Variants in PCSK5 observed in about 807,000 individuals in gnomAD.
PCSK5 encodes the protein proprotein convertase subtilisin/kexin type 5.
In PCSK5, 129 loss-of-function variants were observed where a neutral mutation model predicts 233.2. The ratio of observed to expected loss-of-function variants is 0.55; its 90% CI spans 0.48 to 0.64. PCSK5 has a LOEUF of 0.64. Ranked by LOEUF, PCSK5 falls within the 30% of genes least tolerant of loss-of-function variation. The probability of loss-of-function intolerance (pLI) is 0.00; values close to 1 mark genes in which losing one functional copy is unlikely to be tolerated. For missense variants in PCSK5, 2,076 were observed against 2,430.1 expected (o/e 0.85, Z 3.06); for synonymous variants, 825 against 879.2 (o/e 0.94, Z 1.09).
chr9:76,338,096 A>G (rs1361973683), intron 34 of PCSK5, 134 bp from the exon 35 acceptor site: 1 of 637,892 alleles, frequency 1.6e-6, no homozygotes, highest in South Asian at 1.9e-5. Context: ...GTTATTAGCA[A>G]TGAATCTAAT....
chr9:75,994,130 C>T (rs1826892406), intron 3 of PCSK5, among the ~76,000 whole-genome samples: 1 of 152,034 alleles, frequency 6.6e-6, no homozygotes, highest in Non-Finnish European at 1.5e-5. Flanking sequence ...TGCACTTTTC[C>T]GAACCAAATT....
intron 20 of PCSK5, among the ~76,000 whole-genome samples, chr9:76,200,740 C>G (rs560366987): frequency 4.6e-5 from 7 of 152,250 alleles, no homozygotes; most frequent in Middle Eastern, 3.4e-3. Context: ...GTCCTGTGGA[C>G]GGCGATCACT....
intron 27 of PCSK5, among the ~76,000 whole-genome samples, chr9:76,298,666 G>A (rs555210582): frequency 6.6e-5 from 10 of 151,864 alleles, no homozygotes; most frequent in Non-Finnish European, 1.2e-4. Context: ...AAACAGGATC[G>A]AGAGTGTAAT....
intron 20 of PCSK5, among the ~76,000 whole-genome samples, chr9:76,216,499 A>G (rs952503): frequency 0.46 from 69,835 of 151,998 alleles, 17,427 homozygotes; most frequent in African/African-American, 0.66. Context: ...CACAAACAAT[A>G]TTATATTACT....
At chr9:76,271,682 A>C (rs1218554894) in intron 24 of PCSK5, among the ~76,000 whole-genome samples, 1 of 152,284 alleles carries the variant, frequency 6.6e-6, no homozygotes, top group Admixed American at 6.5e-5. Context: ...AAAAAAAAAA[A>C]ATTAAAAATG....
chr9:76,114,886 G>A (rs1471817937), intron 9 of PCSK5, among the ~76,000 whole-genome samples: 2 of 152,026 alleles, frequency 1.3e-5, no homozygotes, highest in East Asian at 3.9e-4. Flanking sequence ...AGTTTGTGCT[G>A]GAGCAAGGCA....
chr9:76,156,015 C>T lies in PCSK5; in HGVS notation c.1313-1030C>T, dbSNP rs150621362. ...AATGGAACTACATCTGAGCACATCGCGACAATCAAGCTGATGTATTTAAGT... is the reference window on the plus strand; with the variant it reads ...AATGGAACTACATCTGAGCACATCGTGACAATCAAGCTGATGTATTTAAGT... On this transcript the variant is annotated intron_variant, in intron 10 of 37. Transcript: ENST00000674117. 6.6e-5 allele frequency among the ~76,000 whole-genome samples: 10 copies of T among 152,156 alleles called. No homozygotes were observed. In the East Asian group the frequency reaches 1.2e-3, roughly 18 times the overall value.
At chr9:76,177,443 A>C (rs1314759211) in intron 14 of PCSK5, among the ~76,000 whole-genome samples, 1 of 152,262 alleles carries the variant, frequency 6.6e-6, no homozygotes, top group African/African-American at 2.4e-5. Context: ...GAGTATCTTA[A>C]ATACACATGT....
intron 2 of PCSK5, among the ~76,000 whole-genome samples, chr9:75,933,197 C>T (rs747731244): frequency 2.0e-5 from 3 of 152,052 alleles, no homozygotes; most frequent in Admixed American, 6.6e-5. Flanking sequence ...AACTAATAGC[C>T]GACAACTAAG....
Position 76,239,031 on chromosome 9 carries a change from C to T in PCSK5, c.2939C>T (p.Thr980Ile). The change falls in exon 23 of 38, where the codon ACT (threonine) becomes ATT (isoleucine). Residue 980 changes from threonine to isoleucine, a missense_variant. By Grantham distance (89) the Thr-to-Ile change is moderately conservative. Around this residue, in one of 6 missense-constraint regions of PCSK5, gnomAD observed 1,510 missense variants for 1,538.1 expected, o/e 0.98. Coordinates refer to ENST00000674117, the MANE Select transcript of PCSK5 (RefSeq NM_001372043.1). Reference sequence around the variant, plus strand: ...AGCTGCCCAGAGGGCCACTATGCCACTGAGGGGAACACCTGCCTGCCCTGC... The same window carrying T: ...AGCTGCCCAGAGGGCCACTATGCCATTGAGGGGAACACCTGCCTGCCCTGC... ...GDSCPEGHYA[T>I]EGNTCLPCPD... 6.2e-7 allele frequency: 1 copy of T among 1,612,080 alleles called. No individual in the cohort carries two copies. Among genetic ancestry groups the T allele is most frequent in the Non-Finnish European group, 8.5e-7 (1 of 1,179,622 alleles).
chr9:76,121,924 C>T (rs1179810624), intron 9 of PCSK5, among the ~76,000 whole-genome samples: 1 of 57,300 alleles, frequency 1.7e-5, no homozygotes, highest in African/African-American at 5.0e-5. Flanking sequence ...CCCGGGTTCA[C>T]GCCATTCTCC....
intron 5 of PCSK5, among the ~76,000 whole-genome samples, chr9:76,031,064 A>G (rs1283451956): frequency 6.6e-6 from 1 of 152,176 alleles, no homozygotes; most frequent in African/African-American, 2.4e-5. Context: ...TGCCGAGGGT[A>G]TAGATTTACC....
intron 35 of PCSK5, among the ~76,000 whole-genome samples, chr9:76,340,711 C>T (rs1829807177): frequency 1.4e-5 from 2 of 147,834 alleles, no homozygotes; most frequent in South Asian, 4.2e-4. Flanking sequence ...TATGGAATTT[C>T]TATTAAATGC....
At chr9:76,053,139 A>C (rs1331070823) in intron 5 of PCSK5, among the ~76,000 whole-genome samples, 1 of 152,158 alleles carries the variant, frequency 6.6e-6, no homozygotes, top group African/African-American at 2.4e-5. Context: ...AAATGGTGCA[A>C]GCTGTCAGTG....
At chr9:76,010,709 G>T (rs766439649) in intron 3 of PCSK5, among the ~76,000 whole-genome samples, 3 of 152,140 alleles carry the variant, frequency 2.0e-5, no homozygotes, top group African/African-American at 7.2e-5. Flanking sequence ...TTGTCTGTAA[G>T]GTGTTTATGT....
intron 1 of PCSK5, among the ~76,000 whole-genome samples, chr9:75,930,797 G>A (rs886313337): frequency 1.3e-5 from 2 of 152,114 alleles, no homozygotes; most frequent in Admixed American, 1.3e-4. Flanking sequence ...AAGCTTCTTG[G>A]GATTTTAAGG....
rs1031373873 is a variant in PCSK5 at position 76,223,556 on chromosome 9, A to C, written c.2627-3947A>C. The stretch of plus-strand genomic sequence containing the variant: ...CTGTGTCTTCAACTTTTGAGGTAGC[A>C]TTCCTCTCCAAGTGACTACACTTCC... On this transcript the variant is annotated intron_variant, in intron 20 of 37. Coordinates refer to ENST00000674117, the MANE Select transcript of PCSK5 (RefSeq NM_001372043.1). Among the ~76,000 whole-genome samples, 18 of 152,220 alleles carry C rather than the reference A, an allele frequency of 1.2e-4. 1 individual carries two copies. Among genetic ancestry groups the C allele is most frequent in the Admixed American group, 1.1e-3 (17 of 15,278 alleles).
intron 1 of PCSK5, among the ~76,000 whole-genome samples, chr9:75,899,514 C>T (rs1825939481): frequency 6.6e-6 from 1 of 152,060 alleles, no homozygotes; most frequent in Admixed American, 6.6e-5. Flanking sequence ...GAGTTTGTAC[C>T]CTTTGACCTA....
At chr9:75,960,478 T>C (rs930925326) in intron 2 of PCSK5, among the ~76,000 whole-genome samples, 1 of 152,148 alleles carries the variant, frequency 6.6e-6, no homozygotes, top group Admixed American at 6.6e-5. Flanking sequence ...AGAAAAAAAC[T>C]AATTTTAATA....
Sources: allele counts gnomAD v4.1 joint callset (sites outside exome capture counted in the v4.1 genomes callset), GRCh38; gene constraint gnomAD v4.1.1; regional missense constraint gnomAD v4.1.1; transcripts MANE v1.5; gene names NCBI Gene and HGNC (gene_info 2026-07-23, HGNC 2026-07-21).